Variants in SLC10A7 observed in about 807,000 individuals in gnomAD.
SLC10A7 encodes sodium/bile acid cotransporter 7.
SLC10A7 carries 29 observed loss-of-function variants against 43.2 expected under a neutral mutation model. That is an observed-to-expected ratio of 0.67 (90% CI 0.50 to 0.92). The LOEUF is 0.92. SLC10A7 is among the 40% of genes least tolerant of loss of function. SLC10A7 has a pLI of 0.00. For synonymous variants in SLC10A7, 152 were observed against 144.8 expected, an observed-to-expected ratio of 1.05 and a Z score of -0.35; for missense variants, 295 against 403.2, an observed-to-expected ratio of 0.73 and a Z score of 2.30.
At chr4:146,351,052 GAGA>G (rs1357114802) in intron 5 of SLC10A7, among the ~76,000 whole-genome samples, 11 of 151,488 alleles carry the variant, frequency 7.3e-5, no homozygotes, top group Middle Eastern at 3.4e-3. Flanking sequence ...GACGAGCTGA[GAGA>G]AGAAGGCTTC....
intron 4 of SLC10A7, among the ~76,000 whole-genome samples, chr4:146,464,938 T>C (rs1203760148): frequency 2.0e-5 from 3 of 152,116 alleles, no homozygotes; most frequent in South Asian, 2.1e-4. Context: ...AAAGATAAAG[T>C]TGAAGAAATT....
chr4:146,380,066 T>C (rs889893898), intron 5 of SLC10A7, among the ~76,000 whole-genome samples: 2 of 151,894 alleles, frequency 1.3e-5, no homozygotes, highest in Non-Finnish European at 2.9e-5. Flanking sequence ...GAAAATCTAA[T>C]ACCCATTGGG....
intron 5 of SLC10A7, among the ~76,000 whole-genome samples, chr4:146,425,814 T>C (rs942772279): frequency 9.2e-5 from 14 of 152,320 alleles, no homozygotes; most frequent in Non-Finnish European, 1.3e-4. Flanking sequence ...TGGACATGTC[T>C]GTTTCCAAGG....
intron 4 of SLC10A7, among the ~76,000 whole-genome samples, chr4:146,482,295 A>C (rs923412340): frequency 6.6e-6 from 1 of 152,204 alleles, no homozygotes; most frequent in African/African-American, 2.4e-5. Flanking sequence ...TAATTATCTG[A>C]AGAGGAATTT....
At chr4:146,375,251 A>C (rs752276046) in intron 5 of SLC10A7, among the ~76,000 whole-genome samples, 1 of 152,032 alleles carries the variant, frequency 6.6e-6, no homozygotes, top group Non-Finnish European at 1.5e-5. Context: ...CACAACAAAA[A>C]ACCAAACAGT....
At chr4:146,426,396 A>G (rs1579156808) in intron 5 of SLC10A7, among the ~76,000 whole-genome samples, 1 of 152,308 alleles carries the variant, frequency 6.6e-6, no homozygotes, top group East Asian at 1.9e-4. Flanking sequence ...AGAAAAACTT[A>G]GGCCAGGTGC....
At chr4:146,521,073 T>C (rs999924021) in intron 1 of SLC10A7, among the ~76,000 whole-genome samples, 1 of 152,136 alleles carries the variant, frequency 6.6e-6, no homozygotes, top group Non-Finnish European at 1.5e-5. Context: ...TGTCCTGTAA[T>C]CAAAGAGTGC....
intron 4 of SLC10A7, among the ~76,000 whole-genome samples, chr4:146,473,787 TCAAA>T (rs1293321260): frequency 6.6e-6 from 1 of 152,148 alleles, no homozygotes; most frequent in Non-Finnish European, 1.5e-5. Context: ...GATCCTGCAG[TCAAA>T]CAAAAGTACA....
chr4:146,467,164 C>G lies in SLC10A7; in HGVS notation c.397-24343G>C, dbSNP rs577451409. Among the ~76,000 whole-genome samples the G allele has an allele frequency of 3.3e-5, 5 of 152,224 alleles. No homozygotes were observed. The South Asian group carries it at 1.0e-3, about 32-fold the overall frequency. ...TCTGGTGTATTAATCTATGCTGTTT[C>G]CTCTTGGTAACTTTTCCATTCCATC... is the stretch of plus-strand genomic sequence containing the variant. On this transcript the variant is annotated intron_variant, in intron 4 of 11. Transcript: ENST00000335472.
intron 10 of SLC10A7, among the ~76,000 whole-genome samples, chr4:146,267,594 T>C (rs1728641616): frequency 6.6e-6 from 1 of 152,212 alleles, no homozygotes; most frequent in Non-Finnish European, 1.5e-5. Flanking sequence ...TGCTTCCCTG[T>C]TTTTGTGTGT....
At chr4:146,355,602 T>C (rs1036835333) in intron 5 of SLC10A7, among the ~76,000 whole-genome samples, 11 of 151,866 alleles carry the variant, frequency 7.2e-5, no homozygotes, top group Admixed American at 4.6e-4. Context: ...ATGTTTATTG[T>C]GGCATTATTC....
At chr4:146,329,464 C>T (rs887316392) in intron 5 of SLC10A7, among the ~76,000 whole-genome samples, 1 of 152,162 alleles carries the variant, frequency 6.6e-6, no homozygotes, top group Non-Finnish European at 1.5e-5. Flanking sequence ...GACATAGGTA[C>T]TATTATTATA....
At chr4:146,303,207 C>T (rs1731277403) in intron 7 of SLC10A7, among the ~76,000 whole-genome samples, 1 of 152,150 alleles carries the variant, frequency 6.6e-6, no homozygotes, top group African/African-American at 2.4e-5. Context: ...GAGACCTTTG[C>T]TGGGACTGCA....
intron 5 of SLC10A7, among the ~76,000 whole-genome samples, chr4:146,434,588 G>T (rs1730058097): frequency 6.6e-6 from 1 of 152,170 alleles, no homozygotes; most frequent in African/African-American, 2.4e-5. Context: ...TTCTGAGATG[G>T]AGTCTCGCTC....
chr4:146,399,479 G>A (rs1739070763), intron 5 of SLC10A7, among the ~76,000 whole-genome samples: 1 of 151,740 alleles, frequency 6.6e-6, no homozygotes, highest in African/African-American at 2.4e-5. Context: ...AATTTCAGGG[G>A]GATTAGAGTA....
At position 146,299,714 on chromosome 4, in the gene SLC10A7, T is replaced by G. The variant is rs550599903; in HGVS notation, c.556-5619A>C. On this transcript the variant is annotated intron_variant, in intron 7 of 11. Transcript: ENST00000335472. The stretch of plus-strand genomic sequence containing the variant: ...AGATAGAGGATAAGGTAACAATCCC[T>G]TTGAAGAGTAGAAAAAGAAACACTA... Among the ~76,000 whole-genome samples, 405 of 152,220 alleles carry G rather than the reference T, an allele frequency of 2.7e-3. 1 individual carries two copies. The highest frequency in any genetic ancestry group is 9.1e-3 in the African/African-American group (379 of 41,546).
intron 5 of SLC10A7, among the ~76,000 whole-genome samples, chr4:146,436,689 T>A (rs1432135481): frequency 1.3e-5 from 2 of 152,132 alleles, no homozygotes; most frequent in Non-Finnish European, 2.9e-5. Context: ...CAACTCTCTT[T>A]CAATCCTTTG....
At chr4:146,313,780 G>C (rs988734424) in intron 6 of SLC10A7, among the ~76,000 whole-genome samples, 1 of 152,060 alleles carries the variant, frequency 6.6e-6, no homozygotes, top group African/African-American at 2.4e-5. Flanking sequence ...CGCTGACCTA[G>C]ACCTCTCTCT....
chr4:146,463,143 T>C (rs746823170), intron 4 of SLC10A7, among the ~76,000 whole-genome samples: 26 of 152,166 alleles, frequency 1.7e-4, no homozygotes, highest in Non-Finnish European at 2.9e-4. Context: ...GATTTTACTC[T>C]AAAATGCAAG....
Sources: gnomAD v4.1 joint callset for allele counts (sites outside exome capture counted in the v4.1 genomes callset) on GRCh38, gnomAD v4.1.1 for gene constraint, MANE v1.5 for transcripts, NCBI Gene and HGNC (gene_info 2026-07-23, HGNC 2026-07-21) for gene names.